TACR1: variants seen among roughly 807,000 people sequenced by gnomAD.
The protein encoded by TACR1 is tachykinin receptor 1.
A neutral mutation model predicts 35.8 loss-of-function variants in TACR1; 25 were observed. The observed-to-expected ratio is 0.70, with a 90% CI of 0.51 to 0.98. The LOEUF (loss-of-function observed/expected upper bound fraction) is 0.98, where lower values mean the gene tolerates loss of function less well. TACR1 is among the 50% of genes least tolerant of loss of function. The pLI, the probability that TACR1 is intolerant of heterozygous loss-of-function variation, is 0.00. For synonymous variants in TACR1, 195 were observed against 206.7 expected (o/e 0.94, Z 0.48); for missense variants, 478 against 522.9 (o/e 0.91, Z 0.84).
intron 4 of TACR1, 96 bp downstream of exon 4, chr2:75,051,155 C>T: frequency 1.3e-6 from 2 of 1,512,502 alleles, no homozygotes; most frequent in Non-Finnish European, 1.8e-6. Flanking sequence ...CCTCTTGTCT[C>T]ACAGCTGGGT....
At chr2:75,076,216 C>T (rs535924767) in intron 2 of TACR1, among the ~76,000 whole-genome samples, 1 of 152,342 alleles carries the variant, frequency 6.6e-6, no homozygotes, top group East Asian at 1.9e-4. Flanking sequence ...CCATGCCAGT[C>T]AGTGCCTGGA....
chr2:75,106,668 T>C (rs953305602), intron 2 of TACR1, among the ~76,000 whole-genome samples: 1 of 151,994 alleles, frequency 6.6e-6, no homozygotes, highest in Non-Finnish European at 1.5e-5. Flanking sequence ...TCAATAGTTG[T>C]CAATATAATG....
At chr2:75,057,985 T>A (rs186296950) in intron 2 of TACR1, among the ~76,000 whole-genome samples, 127 of 152,150 alleles carry the variant, frequency 8.3e-4, no homozygotes, top group African/African-American at 2.8e-3. Context: ...AGTCTTTTGC[T>A]CCCCCAGGCA....
intron 2 of TACR1, among the ~76,000 whole-genome samples, chr2:75,094,859 A>ATATATATATATATATAT: frequency 8.2e-4 from 93 of 113,094 alleles, no homozygotes; most frequent in East Asian, 5.0e-3. Flanking sequence ...ATATATATAT[A>ATATATATATATATATAT]TTTTTTTTTT....
At chr2:75,051,468 G>T (rs756386247) in intron 3 of TACR1, 21 bp from the exon 4 acceptor site, 3 of 1,613,106 alleles carry the variant, frequency 1.9e-6, no homozygotes, top group Non-Finnish European at 2.5e-6. Context: ...GGTGAGACAG[G>T]TGAGACCACC....
At chr2:75,136,778 G>A (rs115935993) in intron 1 of TACR1, among the ~76,000 whole-genome samples, 2,489 of 152,314 alleles carry the variant, frequency 0.016, 35 homozygotes, top group Middle Eastern at 0.031. Flanking sequence ...ATTGTTAGGA[G>A]TCTCACCAAA....
chr2:75,094,572 GT>G (rs1294621114), intron 2 of TACR1, among the ~76,000 whole-genome samples: 2 of 152,034 alleles, frequency 1.3e-5, no homozygotes, highest in Non-Finnish European at 2.9e-5. Context: ...TGTGGTGCTT[GT>G]GGTGATAATG....
intron 4 of TACR1, 113 bp downstream of exon 4, chr2:75,051,138 A>G (rs1027084060): frequency 1.5e-6 from 2 of 1,377,416 alleles, no homozygotes; most frequent in Non-Finnish European, 2.0e-6. Context: ...TGCAGTCCCC[A>G]CTTGTCCCTC....
At chr2:75,191,408 G>A (rs1159945168) in intron 1 of TACR1, among the ~76,000 whole-genome samples, 1 of 152,046 alleles carries the variant, frequency 6.6e-6, no homozygotes, top group Non-Finnish European at 1.5e-5. Context: ...GGCCAGAGAA[G>A]GGTCCATAAG....
chr2:75,137,942 T>C (rs1244255011), intron 1 of TACR1, among the ~76,000 whole-genome samples: 1 of 152,056 alleles, frequency 6.6e-6, no homozygotes, highest in African/African-American at 2.4e-5. Context: ...ATTAAGCATA[T>C]AGTGGTAGGC....
At chr2:75,093,333 G>A (rs1431875540) in intron 2 of TACR1, among the ~76,000 whole-genome samples, 1 of 152,144 alleles carries the variant, frequency 6.6e-6, no homozygotes, top group Non-Finnish European at 1.5e-5. Context: ...AGGAATTAGA[G>A]GCTGGGCAAT....
At chr2:75,080,140 T>G (rs1437289918) in intron 2 of TACR1, among the ~76,000 whole-genome samples, 1 of 152,186 alleles carries the variant, frequency 6.6e-6, no homozygotes, top group African/African-American at 2.4e-5. Flanking sequence ...GAAATCTAAA[T>G]GCAACTAGAA....
chr2:75,195,160 A>G (rs1400424638), intron 1 of TACR1, among the ~76,000 whole-genome samples: 2 of 152,216 alleles, frequency 1.3e-5, no homozygotes, highest in Admixed American at 6.5e-5. Flanking sequence ...ATTCTAAGTC[A>G]GAGAAATTAT....
chr2:75,181,697 T>C (rs1459865501), intron 1 of TACR1, among the ~76,000 whole-genome samples: 1 of 152,182 alleles, frequency 6.6e-6, no homozygotes, highest in African/African-American at 2.4e-5. Flanking sequence ...GCTTATAAGT[T>C]GTGATTTTAT....
chr2:75,186,617 T>C (rs1250919229), intron 1 of TACR1, among the ~76,000 whole-genome samples: 3 of 151,490 alleles, frequency 2.0e-5, no homozygotes, highest in Non-Finnish European at 4.4e-5. Flanking sequence ...GTTGTGCAGG[T>C]AATATTCAAT....
intron 1 of TACR1, among the ~76,000 whole-genome samples, chr2:75,137,602 G>A (rs925454327): frequency 6.6e-6 from 1 of 151,538 alleles, no homozygotes; most frequent in African/African-American, 2.4e-5. Flanking sequence ...GGTGGCGGGC[G>A]ACTGTAGTCC....
intron 2 of TACR1, among the ~76,000 whole-genome samples, chr2:75,091,728 G>T (rs779521271): frequency 1.4e-4 from 22 of 152,150 alleles, no homozygotes; most frequent in Non-Finnish European, 3.2e-4. Context: ...GTGAACTCTA[G>T]AAGTGGGTTC....
intron 1 of TACR1, among the ~76,000 whole-genome samples, chr2:75,171,547 C>T (rs1293228934): frequency 3.3e-5 from 5 of 152,124 alleles, no homozygotes; most frequent in African/African-American, 4.8e-5. Context: ...GTAGATCCAC[C>T]GACCGCTTGC....
At chr2:75,052,679 A>C (rs1383140088) in intron 3 of TACR1, among the ~76,000 whole-genome samples, 1 of 152,170 alleles carries the variant, frequency 6.6e-6, no homozygotes, top group Non-Finnish European at 1.5e-5. Context: ...AGAAAATAAT[A>C]TATATTTACT....
Sources: gnomAD v4.1 joint callset for allele counts (sites outside exome capture counted in the v4.1 genomes callset) on GRCh38, gnomAD v4.1.1 for gene constraint, MANE v1.5 for transcripts, NCBI Gene and HGNC (gene_info 2026-07-23, HGNC 2026-07-21) for gene names.